NOX4: variants seen among roughly 807,000 people sequenced by gnomAD.
NOX4 encodes NADPH oxidase 4.
Under a neutral mutation model 87.6 loss-of-function variants are expected in NOX4, and 69 were observed. That is an observed-to-expected ratio of 0.79 (90% CI 0.65 to 0.96). NOX4 has a LOEUF of 0.96. Ranked by LOEUF, NOX4 falls within the 40% of genes least tolerant of loss-of-function variation. The probability of loss-of-function intolerance (pLI) is 0.00; values close to 1 mark genes in which losing one functional copy is unlikely to be tolerated. For missense variants in NOX4, 680 were observed against 681.5 expected, an observed-to-expected ratio of 1.00 and a Z score of 0.02; for synonymous variants, 275 against 238.2, an observed-to-expected ratio of 1.15 and a Z score of -1.42.
At chr11:89,485,164 A>G (rs1225853027) in intron 2 of NOX4, among the ~76,000 whole-genome samples, 1 of 152,136 alleles carries the variant, frequency 6.6e-6, no homozygotes, top group Admixed American at 6.6e-5. Flanking sequence ...CTAATGGATA[A>G]TGATTGACTA....
chr11:89,585,698 G>A, the NOX4 span, among the ~76,000 whole-genome samples: 2 of 152,256 alleles, frequency 1.3e-5, no homozygotes, highest in South Asian at 2.1e-4. Flanking sequence ...CCATCCTCCC[G>A]TATGCCTTGT....
At chr11:89,473,986 T>C (rs1946058268) in intron 2 of NOX4, among the ~76,000 whole-genome samples, 1 of 152,146 alleles carries the variant, frequency 6.6e-6, no homozygotes, top group African/African-American at 2.4e-5. Flanking sequence ...TCCTGATATA[T>C]ACATGTTAAA....
At chr11:89,366,166 A>C (rs1474714055) in intron 12 of NOX4, among the ~76,000 whole-genome samples, 1 of 152,090 alleles carries the variant, frequency 6.6e-6, no homozygotes, top group Non-Finnish European at 1.5e-5. Flanking sequence ...TTGATTAATA[A>C]ATTATGTTAC....
At chr11:89,478,368 A>G (rs1946253366) in intron 2 of NOX4, among the ~76,000 whole-genome samples, 1 of 152,248 alleles carries the variant, frequency 6.6e-6, no homozygotes, top group African/African-American at 2.4e-5. Flanking sequence ...TCAAAATTTT[A>G]ATAAATCATT....
chr11:89,404,117 T>C (rs1048973280), intron 8 of NOX4, among the ~76,000 whole-genome samples: 1 of 152,154 alleles, frequency 6.6e-6, no homozygotes, highest in African/African-American at 2.4e-5. Flanking sequence ...TATACAAAAT[T>C]GAGCCAAATT....
At chr11:89,482,083 T>C (rs902516621) in intron 2 of NOX4, among the ~76,000 whole-genome samples, 3 of 151,972 alleles carry the variant, frequency 2.0e-5, no homozygotes, top group Non-Finnish European at 4.4e-5. Context: ...TTTGAGGTAA[T>C]GGAGGGAATA....
rs781622204 is a variant in NOX4 at position 89,354,978 on chromosome 11, A to G, written c.1201T>C (p.Ser401Pro). The G allele has an allele frequency of 4.4e-6, 7 of 1,594,896 alleles. No homozygotes were observed. The South Asian group carries it at 5.6e-5, about 13-fold the overall frequency. The change falls in exon 13 of 18, where the codon TCT becomes CCT. Residue 401 changes from serine to proline, a missense_variant. Physicochemically the swap from Ser to Pro is moderately conservative, Grantham distance 74. Coordinates refer to ENST00000263317, the MANE Select transcript of NOX4 (RefSeq NM_016931.5). The stretch of plus-strand genomic sequence containing the variant: ...TTTGCTTACTTGGGATAATTTCTAG[A>G]TTGAATGAAGGGCAGAATTTCGGAG... ...QDSEILPFIQ[S>P]RNYPKLYIDG...
rs139363194 is a variant in NOX4 at position 89,400,338 on chromosome 11, G to C, written c.888C>G (p.Ala296=). ...TCCGGATATACCTGTAAAGTCTTTCGGCACAGTACAGGCACAAAGGTCCAG... is the reference window on the plus strand; with the variant it reads ...TCCGGATATACCTGTAAAGTCTTTCCGCACAGTACAGGCACAAAGGTCCAG... ...WISGPLCLYC[A]ERLYRYIRSN... is the part of the protein sequence containing the mutation. Residue 296 remains alanine, a synonymous_variant, in exon 10 of 18, where the codon GCC becomes GCG. Coordinates refer to ENST00000263317, the MANE Select transcript of NOX4 (RefSeq NM_016931.5). The C allele has an allele frequency of 1.6e-3, 2,578 of 1,612,102 alleles. 47 individuals carry two copies. In the African/African-American group the frequency reaches 0.031, roughly 20 times the overall value.
At chr11:89,450,007 T>C (rs1944885523) in intron 3 of NOX4, among the ~76,000 whole-genome samples, 1 of 152,192 alleles carries the variant, frequency 6.6e-6, no homozygotes, top group Non-Finnish European at 1.5e-5. Context: ...ATCTCATCTA[T>C]AGTTTGAAAT....
chr11:89,485,909 A>T (rs886210825), intron 2 of NOX4, among the ~76,000 whole-genome samples: 1 of 152,112 alleles, frequency 6.6e-6, no homozygotes, highest in Non-Finnish European at 1.5e-5. Context: ...GGAAGTGCAC[A>T]GTCTGATTAG....
chr11:89,449,606 C>A, intron 3 of NOX4, 82 bp from the exon 4 acceptor site: 5 of 1,096,540 alleles, frequency 4.6e-6, no homozygotes, highest in East Asian at 2.5e-5. Context: ...TTCATTATGT[C>A]AAAATTTTTA....
At chr11:89,438,226 A>T (rs1004540797) in intron 6 of NOX4, among the ~76,000 whole-genome samples, 2 of 142,558 alleles carry the variant, frequency 1.4e-5, no homozygotes, top group African/African-American at 2.6e-5. Context: ...TATTATTAGT[A>T]TATTAGTATA....
the NOX4 span, among the ~76,000 whole-genome samples, chr11:89,520,376 A>G: frequency 6.6e-6 from 1 of 152,124 alleles, no homozygotes; most frequent in South Asian, 2.1e-4. Flanking sequence ...TAGGAATTAT[A>G]CTTCAAAGCA....
At chr11:89,399,432 A>AATATATATATAAATAT (rs1555014572) in intron 11 of NOX4, among the ~76,000 whole-genome samples, 20 of 75,648 alleles carry the variant, frequency 2.6e-4, no homozygotes, top group African/African-American at 1.0e-3. Context: ...CAAGAAATTA[A>AATATATATATAAATAT]ATATATATAT....
the NOX4 span, among the ~76,000 whole-genome samples, chr11:89,554,265 A>G: frequency 6.6e-6 from 1 of 152,124 alleles, no homozygotes; most frequent in Non-Finnish European, 1.5e-5. Context: ...TCCTACCACT[A>G]TTGAAAAATT....
chr11:89,426,975 T>C (rs1457724810), intron 7 of NOX4, among the ~76,000 whole-genome samples: 2 of 152,110 alleles, frequency 1.3e-5, no homozygotes, highest in Non-Finnish European at 1.5e-5. Context: ...CACTCCCCAG[T>C]AGGGGCAGAC....
chr11:89,392,529 C>T (rs1435126379), intron 11 of NOX4, among the ~76,000 whole-genome samples: 2 of 152,156 alleles, frequency 1.3e-5, no homozygotes, highest in Admixed American at 6.5e-5. Flanking sequence ...CTTATTTCCA[C>T]ACTTCGAGAT....
chr11:89,415,722 A>G (rs1942731334), intron 8 of NOX4, among the ~76,000 whole-genome samples: 1 of 152,104 alleles, frequency 6.6e-6, no homozygotes, highest in Non-Finnish European at 1.5e-5. Flanking sequence ...GAGAAGTAGA[A>G]TTTTGTGATA....
intron 8 of NOX4, among the ~76,000 whole-genome samples, chr11:89,415,957 T>C (rs966126868): frequency 6.6e-6 from 1 of 152,142 alleles, no homozygotes; most frequent in African/African-American, 2.4e-5. Context: ...CAGTGTGTAT[T>C]ATTTGAAGGT....
Sources: allele counts gnomAD v4.1 joint callset (sites outside exome capture counted in the v4.1 genomes callset), GRCh38; gene constraint gnomAD v4.1.1; transcripts MANE v1.5; gene names NCBI Gene and HGNC (gene_info 2026-07-23, HGNC 2026-07-21).